Variants in SPOCK3 observed in about 807,000 individuals in gnomAD.
The protein encoded by SPOCK3 is SPARC (osteonectin), cwcv and kazal like domains proteoglycan 3, also known as testican-3.
In SPOCK3, 30 loss-of-function variants were observed where a neutral mutation model predicts 56.6. The ratio of observed to expected loss-of-function variants is 0.53; its 90% CI spans 0.40 to 0.72. The LOEUF (loss-of-function observed/expected upper bound fraction) is 0.72, where lower values mean the gene tolerates loss of function less well. Among genes scored for constraint, SPOCK3 ranks in the 30% least tolerant of loss-of-function variants. SPOCK3 has a pLI of 0.00. For synonymous variants in SPOCK3, 196 were observed against 183.3 expected, an observed-to-expected ratio of 1.07 and a Z score of -0.56; for missense variants, 527 against 530.0, an observed-to-expected ratio of 0.99 and a Z score of 0.06.
chr4:167,061,452 T>C (rs1755602509), intron 3 of SPOCK3, among the ~76,000 whole-genome samples: 1 of 151,970 alleles, frequency 6.6e-6, no homozygotes, highest in Non-Finnish European at 1.5e-5. Context: ...AAGAAAAAAG[T>C]TGTTTTAAGA....
At chr4:167,042,724 A>G (rs950033419) in intron 3 of SPOCK3, among the ~76,000 whole-genome samples, 6 of 152,162 alleles carry the variant, frequency 3.9e-5, no homozygotes, top group African/African-American at 1.2e-4. Flanking sequence ...TCATTAGAAC[A>G]TCTTCAAAAA....
At chr4:166,778,091 A>T (rs116105787) in intron 7 of SPOCK3, among the ~76,000 whole-genome samples, 1,852 of 152,312 alleles carry the variant, frequency 0.012, 16 homozygotes, top group Non-Finnish European at 0.019. Context: ...CCTACAAGAC[A>T]TGTCATATTT....
Position 167,127,376 on chromosome 4 carries a change from GA to G in SPOCK3, c.190-64840del, listed in dbSNP as rs1229852223. Among the ~76,000 whole-genome samples the G allele has an allele frequency of 7.6e-5, 11 of 145,372 alleles. No homozygotes were observed. The East Asian group carries it at 1.8e-3, about 24-fold the overall frequency. ...AAAAAAACTACTTTTTTATATTACA[GA>G]AAAAAAAATAAGCCACCTAAAAGGT... On this transcript the variant is annotated intron_variant, in intron 2 of 10. Transcript: ENST00000357545.
chr4:167,168,803 G>T (rs759973917), intron 2 of SPOCK3, among the ~76,000 whole-genome samples: 2 of 152,064 alleles, frequency 1.3e-5, no homozygotes, highest in Non-Finnish European at 2.9e-5. Flanking sequence ...GACCTTCACA[G>T]CAGCCCCTCC....
intron 4 of SPOCK3, among the ~76,000 whole-genome samples, chr4:166,946,255 A>G (rs1379447546): frequency 1.3e-5 from 2 of 152,122 alleles, no homozygotes; most frequent in Non-Finnish European, 2.9e-5. Flanking sequence ...AACTCAGGCC[A>G]TATACTCCTT....
intron 2 of SPOCK3, among the ~76,000 whole-genome samples, chr4:167,116,469 C>T (rs1233858900): frequency 7.1e-5 from 7 of 99,054 alleles, no homozygotes; most frequent in African/African-American, 2.3e-4. Flanking sequence ...TATATACACA[C>T]TTTTGTATAT....
chr4:166,988,162 G>C lies in SPOCK3; in HGVS notation c.350+12187C>G, dbSNP rs186483814. On this transcript the variant is annotated intron_variant, in intron 4 of 10. Coordinates refer to ENST00000357545, the MANE Select transcript of SPOCK3 (RefSeq NM_001040159.2). ...GCTGAGAACACAAGCTGATGGATTA[G>C]GGATATGCAGAAGAGGATGATGAAG... Among the ~76,000 whole-genome samples the C allele has an allele frequency of 2.6e-5, 4 of 152,154 alleles. No homozygotes were observed. The East Asian group carries it at 7.7e-4, about 29-fold the overall frequency.
chr4:166,754,514 G>A lies in SPOCK3; in HGVS notation c.925C>T (p.Gln309Ter), dbSNP rs752997642. The change falls in exon 8 of 11, where the codon CAG becomes TAG. Residue 309 changes from glutamine to a stop codon, truncating the protein, a stop_gained. Coordinates refer to ENST00000357545, the MANE Select transcript of SPOCK3 (RefSeq NM_001040159.2). LOFTEE classifies it high-confidence loss of function. ...NNEWCYCFQR[Q>*]QDPPCQTELS... ...TAAGGGTCTCATCTTTTACCTTGCT[G>A]TCTCTGGAAGCAGTAGCACCACTCA... 1 of 1,612,064 alleles carries A rather than the reference G, an allele frequency of 6.2e-7. No homozygotes were observed. The highest frequency in any genetic ancestry group is 8.5e-7 in the Non-Finnish European group (1 of 1,178,784).
chr4:166,833,932 C>G (rs1243297834), intron 6 of SPOCK3, among the ~76,000 whole-genome samples: 1 of 152,170 alleles, frequency 6.6e-6, no homozygotes, highest in Non-Finnish European at 1.5e-5. Flanking sequence ...CAAGAGTGGT[C>G]TTGTCTTTCC....
In SPOCK3 at chr4:167,037,430, C is replaced by T. The variant is rs567434502; in HGVS notation, c.235+25062G>A. Among the ~76,000 whole-genome samples, 4 of 150,108 alleles carry T rather than the reference C, an allele frequency of 2.7e-5. No homozygotes were observed. In the East Asian group the frequency reaches 5.9e-4, roughly 22 times the overall value. ...CCTGGGGGCGGAGGTTGCAGTGAGC[C>T]GAGATTGCACCACTGCACTCCGGCC... On this transcript the variant is annotated intron_variant, in intron 3 of 10. Transcript: ENST00000357545.
At chr4:167,225,691 A>G (rs1411432324) in intron 2 of SPOCK3, among the ~76,000 whole-genome samples, 2 of 152,048 alleles carry the variant, frequency 1.3e-5, no homozygotes, top group African/African-American at 4.8e-5. Flanking sequence ...ACAAAACCTG[A>G]TAGACAGTGC....
chr4:166,791,566 T>C (rs1741352996), intron 7 of SPOCK3, among the ~76,000 whole-genome samples: 2 of 152,290 alleles, frequency 1.3e-5, no homozygotes, highest in African/African-American at 2.4e-5. Context: ...AAATGAAAAG[T>C]TTATAAAATT....
intron 4 of SPOCK3, among the ~76,000 whole-genome samples, chr4:166,926,530 GT>G (rs1739124236): frequency 6.8e-6 from 1 of 147,450 alleles, no homozygotes; most frequent in Non-Finnish European, 1.5e-5. Context: ...TGTTGTTTTT[GT>G]TTTTGCTTTT....
chr4:166,863,451 G>A (rs1177130480), intron 6 of SPOCK3, among the ~76,000 whole-genome samples: 1 of 152,130 alleles, frequency 6.6e-6, no homozygotes, highest in Non-Finnish European at 1.5e-5. Flanking sequence ...AACCTTAAAT[G>A]TAAATGGGCC....
chr4:167,137,198 T>A (rs1340136587), intron 2 of SPOCK3, among the ~76,000 whole-genome samples: 1 of 151,962 alleles, frequency 6.6e-6, no homozygotes, highest in Non-Finnish European at 1.5e-5. Flanking sequence ...TTGCATCACC[T>A]CTGAAATATC....
chr4:167,126,525 G>T (rs116987974), intron 2 of SPOCK3, among the ~76,000 whole-genome samples: 1 of 151,742 alleles, frequency 6.6e-6, no homozygotes, highest in Non-Finnish European at 1.5e-5. Context: ...CTCTAGCCTG[G>T]GCAACAAGAG....
chr4:167,017,469 A>G (rs1750736759), intron 3 of SPOCK3, among the ~76,000 whole-genome samples: 1 of 151,982 alleles, frequency 6.6e-6, no homozygotes, highest in Non-Finnish European at 1.5e-5. Flanking sequence ...TCCAGAGTGG[A>G]GTAGAGCCAC....
chr4:166,804,573 CTCT>C (rs1381041212), intron 6 of SPOCK3, among the ~76,000 whole-genome samples: 3 of 152,084 alleles, frequency 2.0e-5, no homozygotes, highest in African/African-American at 7.2e-5. Flanking sequence ...CATTAAGAAG[CTCT>C]TCTTCTCAAA....
chr4:166,772,765 G>A (rs1221428218), intron 7 of SPOCK3, among the ~76,000 whole-genome samples: 1 of 151,958 alleles, frequency 6.6e-6, no homozygotes, highest in Non-Finnish European at 1.5e-5. Context: ...ATGACTCTAA[G>A]TGTAGTCATC....
Sources: allele counts gnomAD v4.1 joint callset (sites outside exome capture counted in the v4.1 genomes callset), GRCh38; gene constraint gnomAD v4.1.1; transcripts MANE v1.5; gene names NCBI Gene and HGNC (gene_info 2026-07-23, HGNC 2026-07-21).